The following OBSL1 variants were observed in gnomAD, a reference collection of about 807,000 sequenced individuals.
OBSL1 encodes obscurin-like protein 1.
Under a neutral mutation model 172.0 loss-of-function variants are expected in OBSL1, and 160 were observed. That is an observed-to-expected ratio of 0.93 (90% CI 0.82 to 1.06). The LOEUF (loss-of-function observed/expected upper bound fraction) is 1.06. Among genes scored for constraint, OBSL1 ranks in the 50% least tolerant of loss-of-function variants. The pLI is 0.00. For missense variants in OBSL1, 2,681 were observed against 2,715.4 expected, an observed-to-expected ratio of 0.99 and a Z score of 0.28; for synonymous variants, 1,200 against 1,196.3, an observed-to-expected ratio of 1.00 and a Z score of -0.06.
rs937070712 is a variant in OBSL1, at chr2:219,568,965, T to C, written c.1013-641A>G. 6.6e-6 allele frequency among the ~76,000 whole-genome samples: 1 copy of C among 151,856 alleles called. No homozygotes were observed. The highest frequency in any genetic ancestry group is 1.5e-5 in the Non-Finnish European group (1 of 67,942). The stretch of plus-strand genomic sequence containing the variant: ...GGTTTTGCCATGTTGGCCAGGCTGT[T>C]CTCGAACTCCTGACCTCAAATGATC... On this transcript the variant is annotated intron_variant, in intron 1 of 20. Transcript: ENST00000404537. The surrounding 1 kb of genome is among the most constrained non-coding windows in gnomAD (Gnocchi z 4.1).
At position 219,567,742 on chromosome 2, in the gene OBSL1, T is replaced by A; in HGVS notation, c.1510A>T (p.Thr504Ser). ...EVTFSLGNSRTTTLLRVKCVK... is the reference protein window; with the variant it reads ...EVTFSLGNSRSTTLLRVKCVK... ...CATTTTACTCTGAGAAGCGTAGTGG[T>A]ACGGGAGTTGCCCAGGCTAAAGGTG... Residue 504 changes from threonine (T) to serine (S), a missense_variant, in exon 3 of 21, where the codon ACC (threonine) becomes TCC (serine). Physicochemically the swap from Thr to Ser is moderately conservative, Grantham distance 58. Transcript: ENST00000404537. The A allele has an allele frequency of 7.4e-6, 12 of 1,613,148 alleles. No individual in the cohort carries two copies. Among genetic ancestry groups the A allele is most frequent in the Non-Finnish European group, 1.0e-5 (12 of 1,179,212 alleles).
downstream of OBSL1, chr2:219,550,712 CAG>C: frequency 7.4e-7 from 1 of 1,348,972 alleles, no homozygotes; most frequent in South Asian, 1.3e-5. Flanking sequence ...CCACATCACT[CAG>C]AGAGGCAAGG....
intron 9 of OBSL1, 62 bp from the exon 10 acceptor site, chr2:219,558,521 C>G: frequency 6.8e-7 from 1 of 1,478,720 alleles, no homozygotes. Flanking sequence ...CTGCCTCACC[C>G]GCCAGATCCT....
downstream of OBSL1, chr2:219,547,652 C>T: frequency 6.5e-7 from 1 of 1,531,894 alleles, no homozygotes; most frequent in South Asian, 1.3e-5. Flanking sequence ...CATCGGGCTG[C>T]TCTGCGGGCT....
chr2:219,556,064 C>T lies in OBSL1; in HGVS notation c.4565G>A (p.Cys1522Tyr). 1 of 1,613,746 alleles carries T rather than the reference C, an allele frequency of 6.2e-7. No homozygotes were observed. Among genetic ancestry groups the T allele is most frequent in the Non-Finnish European group, 8.5e-7 (1 of 1,179,896 alleles). ...VILADQGTYGCESHHDRTLAR... is the reference protein window; with the variant it reads ...VILADQGTYGYESHHDRTLAR... ...CAGGGTGCGATCGTGGTGGCTCTCG[C>T]AGCCGTAGGTGCCCTGGTCGGCCAG... The change falls in exon 14 of 21, where the codon TGC (cysteine) becomes TAC (tyrosine). Residue 1522 changes from cysteine to tyrosine, a missense_variant. By Grantham distance (194) the Cys-to-Tyr change is radical. Transcript: ENST00000404537.
At position 219,556,299 on chromosome 2, in the gene OBSL1, G is replaced by T; in HGVS notation, c.4337-7C>A. 1 of 1,575,076 alleles carries T rather than the reference G, an allele frequency of 6.3e-7. No homozygotes were observed. On this transcript the variant is annotated splice_region_variant and splice_polypyrimidine_tract_variant and intron_variant, in intron 13 of 20. Transcript: ENST00000404537. ...AGGAACAGCAGCTCTGTCTCTGGTG[G>T]GGAAGAAGGAGGCCATGGAGTCTGG...
At chr2:219,553,048 T>A (rs540002132) in intron 16 of OBSL1, 24 bp from the exon 17 acceptor site, 2 of 1,467,702 alleles carry the variant, frequency 1.4e-6, no homozygotes, top group South Asian at 1.4e-5. Flanking sequence ...TTGCAGAGGG[T>A]CGGGGCGAGC....
intron 5 of OBSL1, 68 bp from the exon 6 acceptor site, chr2:219,565,582 G>A: frequency 6.7e-7 from 1 of 1,502,558 alleles, no homozygotes; most frequent in Non-Finnish European, 9.1e-7. Flanking sequence ...GGATGCATCA[G>A]AGGGAACAAC....
chr2:219,565,232 G>T lies in OBSL1; in HGVS notation c.2407+10C>A. 2 of 1,600,496 alleles carry T rather than the reference G, an allele frequency of 1.2e-6. No individual in the cohort carries two copies. Among genetic ancestry groups the T allele is most frequent in the Non-Finnish European group, 8.5e-7 (1 of 1,171,486 alleles). On this transcript the variant is annotated intron_variant, in intron 6 of 20. Coordinates refer to ENST00000404537, the MANE Select transcript of OBSL1 (RefSeq NM_015311.3). The stretch of plus-strand genomic sequence containing the variant: ...TGGCTGGAGGAGCCCAGGCTGGCAT[G>T]CTTCCTGACCTTGGACAGTGACGCC...
chr2:219,552,220 G>T lies in OBSL1; in HGVS notation c.5309-4C>A, dbSNP rs34490902. On this transcript the variant is annotated splice_region_variant and splice_polypyrimidine_tract_variant and intron_variant, in intron 18 of 20. Coordinates refer to ENST00000404537, the MANE Select transcript of OBSL1 (RefSeq NM_015311.3). Reference sequence around the variant, plus strand: ...AGCACCAGAATGTGTTTCTTCCCTGGGGGTGAGGGGGTCGCTAGCGAGGCC... The same window carrying T: ...AGCACCAGAATGTGTTTCTTCCCTGTGGGTGAGGGGGTCGCTAGCGAGGCC... 1 of 1,592,124 alleles carries T rather than the reference G, an allele frequency of 6.3e-7. No individual in the cohort carries two copies. Among genetic ancestry groups the T allele is most frequent in the Non-Finnish European group, 8.5e-7 (1 of 1,169,888 alleles).
At chr2:219,557,764 T>C in intron 11 of OBSL1, 59 bp downstream of exon 11, 1 of 1,559,126 alleles carries the variant, frequency 6.4e-7, no homozygotes. Context: ...CCGCAGAGTT[T>C]GGGGTGCCAC....
chr2:219,550,976 T>C (rs2106002432), intron 20 of OBSL1, 134 bp from the exon 21 acceptor site: 1 of 1,522,828 alleles, frequency 6.6e-7, no homozygotes, highest in South Asian at 1.2e-5. Context: ...GGGCCTTGGT[T>C]AGGGCTGTCT....
rs1380016458 is a variant in OBSL1, at chr2:219,551,662, CG to C, written c.5549del (p.Pro1850ArgfsTer44). Reference sequence around the variant, plus strand: ...GGCTGCGCATCTCATACTTATCTCCCGGGCACAGCTCGGCCCCCTCCCGCAG... The same window carrying C: ...GGCTGCGCATCTCATACTTATCTCCCGGCACAGCTCGGCCCCCTCCCGCAG... ...CWLREGAELC[P>X]GDKYEMRSHG... On this transcript the variant is annotated frameshift_variant, in exon 20 of 21. Coordinates refer to ENST00000404537, the MANE Select transcript of OBSL1 (RefSeq NM_015311.3). LOFTEE classifies it high-confidence loss of function. 1.2e-6 allele frequency: 2 copies of C among 1,611,548 alleles called. No homozygotes were observed. The highest frequency in any genetic ancestry group is 1.7e-6 in the Non-Finnish European group (2 of 1,179,310).
At position 219,562,428 on chromosome 2, in the gene OBSL1, G is replaced by C. The variant is rs375182439; in HGVS notation, c.2927C>G (p.Ser976Trp). 1 of 1,613,672 alleles carries C rather than the reference G, an allele frequency of 6.2e-7. No homozygotes were observed. Among genetic ancestry groups the C allele is most frequent in the Non-Finnish European group, 8.5e-7 (1 of 1,179,818 alleles). The change falls in exon 8 of 21, where the codon TCG becomes TGG. Residue 976 changes from serine to tryptophan, a missense_variant. Coordinates refer to ENST00000404537, the MANE Select transcript of OBSL1 (RefSeq NM_015311.3). ...TGTGACGGTGACAGTGAAGGAGGCC[G>C]ACTCATCGTCAATTTCACACAAGTA... is the stretch of plus-strand genomic sequence containing the variant. Reference protein sequence around the residue: ...GEYLCEIDDESASFTVTVTEP... With the variant: ...GEYLCEIDDEWASFTVTVTEP...
rs953189075 is a variant in OBSL1 at position 219,559,258 on chromosome 2, C to T, written c.3193G>A (p.Asp1065Asn). 6 of 1,611,622 alleles carry T rather than the reference C, an allele frequency of 3.7e-6. No homozygotes were observed. Among genetic ancestry groups the T allele is most frequent in the Non-Finnish European group, 5.1e-6 (6 of 1,178,036 alleles). Residue 1065 changes from aspartate (D) to asparagine (N), a missense_variant, in exon 9 of 21, where the codon GAT becomes AAT. Transcript: ENST00000404537. The stretch of plus-strand genomic sequence containing the variant: ...GTGACAGTGAAGAAGGCCGAGTCAT[C>T]TCCAGCATCACATACAAACTCGCCC... ...DGGEFVCDAG[D>N]DSAFFTVTVT...
intron 20 of OBSL1, 80 bp from the exon 21 acceptor site, chr2:219,550,922 A>G: frequency 7.0e-6 from 11 of 1,572,698 alleles, no homozygotes; most frequent in Non-Finnish European, 8.6e-6. Context: ...CCTGGACACC[A>G]GTACACAAAG....
intron 6 of OBSL1, among the ~76,000 whole-genome samples, chr2:219,563,865 G>T (rs975995710): frequency 1.3e-5 from 2 of 152,198 alleles, no homozygotes; most frequent in Non-Finnish European, 2.9e-5. Context: ...AGAGGTGGCG[G>T]GGTGAGTACA....
intron 7 of OBSL1, 30 bp downstream of exon 7, chr2:219,563,325 T>G (rs1696635721): frequency 1.3e-6 from 2 of 1,532,242 alleles, no homozygotes; most frequent in Admixed American, 1.9e-5. Flanking sequence ...CACCTTCCCC[T>G]GTGCCTCCGA....
Position 219,565,413 on chromosome 2 carries a change from G to A in OBSL1, c.2236C>T (p.Pro746Ser). 6.2e-7 allele frequency: 1 copy of A among 1,613,936 alleles called. No homozygotes were observed. Reference protein sequence around the residue: ...LTCELSRVDFPATWYKDGQKV... With the variant: ...LTCELSRVDFSATWYKDGQKV... ...TGCCCATCCTTGTACCAGGTTGCCG[G>A]GAAGTCCACCCTTGAGAGCTCACAA... Residue 746 changes from proline (P) to serine (S), a missense_variant, in exon 6 of 21, where the codon CCG becomes TCG. Physicochemically the swap from Pro to Ser is moderately conservative, Grantham distance 74. This residue lies in a region of OBSL1 where 1,765 missense variants were observed against 1,748.3 expected (regional missense o/e 1.01). Transcript: ENST00000404537.
Sources: gnomAD v4.1 joint callset for allele counts (sites outside exome capture counted in the v4.1 genomes callset) on GRCh38, gnomAD v4.1.1 for gene constraint, gnomAD v4.1.1 regional missense constraint, Gnocchi (gnomAD v3.1) non-coding constraint, MANE v1.5 for transcripts, NCBI Gene and HGNC (gene_info 2026-07-23, HGNC 2026-07-21) for gene names.